Variants in OR4M1 observed in about 807,000 individuals in gnomAD.
OR4M1 encodes olfactory receptor family 4 subfamily M member 1, also known as olfactory receptor 4M1.
Under a neutral mutation model 9.8 loss-of-function variants are expected in OR4M1, and 7 were observed. The observed-to-expected ratio is 0.71, with a 90% confidence interval of 0.41 to 1.34. The LOEUF is 1.34. Among genes scored for constraint, OR4M1 ranks in the 40% most tolerant of loss-of-function variants. The pLI is 0.01. For missense variants in OR4M1, 331 were observed against 380.4 expected (o/e 0.87, Z 1.08); for synonymous variants, 121 against 139.8 (o/e 0.87, Z 0.95).
rs1878494985 is a variant in OR4M1, at chr14:19,781,397, T to C, written c.*133T>C. 2 of 874,014 alleles carry C rather than the reference T, an allele frequency of 2.3e-6. No homozygotes were observed. The highest frequency in any genetic ancestry group is 1.7e-5 in the African/African-American group (1 of 58,272). The allele number at this position is 874,014 out of a possible 1,614,324, so 54.1% of individuals were successfully genotyped here. ...AAATTTTACTATAATTTTTCTCTAT[T>C]AATTCCTCTTTATATTGAAAAAATA... On this transcript the variant is annotated 3_prime_UTR_variant, in exon 2 of 2. Transcript: ENST00000641200.
intron 1 of OR4M1, among the ~76,000 whole-genome samples, 188 bp downstream of exon 1, chr14:19,773,781 GT>G (rs1594374908): frequency 6.6e-6 from 1 of 151,914 alleles, no homozygotes; most frequent in East Asian, 1.9e-4. Context: ...TGTAGAGTGG[GT>G]GGACAAATTG....
intron 1 of OR4M1, 174 bp from the exon 2 acceptor site, chr14:19,780,120 T>C (rs1423331971): frequency 1.2e-5 from 7 of 604,434 alleles, no homozygotes; most frequent in African/African-American, 5.7e-5. Context: ...TGTTCCCAAT[T>C]TATAAGTTCA....
chr14:19,780,532 T>C lies in OR4M1; in HGVS notation c.210T>C (p.Asp70=). The change falls in exon 2 of 2, where the codon GAT becomes GAC. Residue 70 remains aspartate (D), a synonymous_variant. Transcript: ENST00000641200. ...TGTTGGCTAATCTGGCCCTCCTTGA[T>C]ATTTGGTACTCTTCCATTACAGCCC... ...YFLLANLALL[D]IWYSSITAPK... The C allele has an allele frequency of 6.2e-7, 1 of 1,614,228 alleles. No homozygotes were observed. Among genetic ancestry groups the C allele is most frequent in the Non-Finnish European group, 8.5e-7 (1 of 1,180,030 alleles).
chr14:19,774,137 T>C (rs1878244067), intron 1 of OR4M1, among the ~76,000 whole-genome samples: 1 of 152,296 alleles, frequency 6.6e-6, no homozygotes, highest in African/African-American at 2.4e-5. Context: ...GTAAAAGCTT[T>C]GAAAATAAAT....
At chr14:19,774,907 A>G (rs1878264884) in intron 1 of OR4M1, among the ~76,000 whole-genome samples, 1 of 152,038 alleles carries the variant, frequency 6.6e-6, no homozygotes, top group Non-Finnish European at 1.5e-5. Context: ...GAAATAAAAT[A>G]AAAATGAAAC....
chr14:19,778,423 T>C (rs28523769), intron 1 of OR4M1, among the ~76,000 whole-genome samples: 35,343 of 150,122 alleles, frequency 0.24, 3,996 homozygotes, highest in African/African-American at 0.44. Context: ...GATCTTGTAA[T>C]GGTATTTACC....
intron 1 of OR4M1, among the ~76,000 whole-genome samples, chr14:19,777,742 GT>G (rs1054949364): frequency 6.6e-6 from 1 of 152,206 alleles, no homozygotes; most frequent in African/African-American, 2.4e-5. Context: ...AGATAGCTTT[GT>G]TTTGACATGC....
At chr14:19,774,236 A>G (rs1006512416) in intron 1 of OR4M1, among the ~76,000 whole-genome samples, 1 of 152,274 alleles carries the variant, frequency 6.6e-6, no homozygotes, top group Non-Finnish European at 1.5e-5. Flanking sequence ...AAGGATTCCA[A>G]AAAGCAAAAT....
In OR4M1 at chr14:19,780,457, C is replaced by T. The variant is rs776142493; in HGVS notation, c.135C>T (p.Ile45=). Reference sequence around the variant, plus strand: ...TCATCCTACCAGGAAATATCCTTATCATTTGCACCATCAGGCTAGACCCTC... The same window carrying T: ...TCATCCTACCAGGAAATATCCTTATTATTTGCACCATCAGGCTAGACCCTC... ...YLFILPGNIL[I]ICTIRLDPHL... Residue 45 remains isoleucine, a synonymous_variant, in exon 2 of 2, where the codon ATC becomes ATT. Transcript: ENST00000641200. The T allele has an allele frequency of 1.4e-5, 23 of 1,614,174 alleles. 1 individual carries two copies. In the African/African-American group the frequency reaches 2.9e-4, roughly 21 times the overall value.
intron 1 of OR4M1, among the ~76,000 whole-genome samples, chr14:19,774,306 T>G (rs1878248431): frequency 6.6e-6 from 1 of 152,008 alleles, no homozygotes; most frequent in Non-Finnish European, 1.5e-5. Context: ...AATTAGATGT[T>G]GTGGTGTTTA....
In OR4M1 at chr14:19,780,688, C is replaced by T. The variant is rs369916940; in HGVS notation, c.366C>T (p.Arg122=). 13 of 1,614,112 alleles carry T rather than the reference C, an allele frequency of 8.1e-6. No homozygotes were observed. In the African/African-American group the frequency reaches 1.6e-4, roughly 20 times the overall value. The change falls in exon 2 of 2, where the codon CGC becomes CGT. Residue 122 remains arginine, a synonymous_variant. Transcript: ENST00000641200. The part of the protein sequence containing the change: ...MFLLTVMAYD[R]YAAICRPLHY... ...TGCTCACAGTGATGGCCTATGACCGCTATGCTGCTATCTGCCGACCCCTCC... is the reference window on the plus strand; with the variant it reads ...TGCTCACAGTGATGGCCTATGACCGTTATGCTGCTATCTGCCGACCCCTCC...
intron 1 of OR4M1, among the ~76,000 whole-genome samples, chr14:19,775,039 G>A (rs575428917): frequency 3.9e-5 from 6 of 152,296 alleles, no homozygotes; most frequent in Non-Finnish European, 7.4e-5. Flanking sequence ...TTACATCCCC[G>A]CCCTCGCTTA....
rs942323771 is a variant in OR4M1, at chr14:19,783,035, C to T, written c.*1771C>T. The T allele has an allele frequency of 3.9e-5, 6 of 152,200 alleles. No homozygotes were observed. Among genetic ancestry groups the T allele is most frequent in the Non-Finnish European group, 5.9e-5 (4 of 68,060 alleles). 9.4% of individuals were successfully genotyped at this position (152,200 alleles called of 1,614,324 possible). A position where few individuals can be genotyped will look rare whatever the true frequency, so the allele number is the denominator to read the frequency against. The stretch of plus-strand genomic sequence containing the variant: ...ACTGATTTGATATGCTCTTCAAACA[C>T]CAGCACACTGTACTACAGAAGGATA... On this transcript the variant is annotated 3_prime_UTR_variant, in exon 2 of 2. Transcript: ENST00000641200.
chr14:19,776,057 C>T (rs1393827495), intron 1 of OR4M1, among the ~76,000 whole-genome samples: 5 of 152,258 alleles, frequency 3.3e-5, no homozygotes, highest in African/African-American at 1.2e-4. Flanking sequence ...TCTGTATACT[C>T]CTTCCTCACC....
chr14:19,774,202 G>A (rs993558403), intron 1 of OR4M1, among the ~76,000 whole-genome samples: 2 of 152,222 alleles, frequency 1.3e-5, no homozygotes, highest in Non-Finnish European at 2.9e-5. Flanking sequence ...AAATAAATGT[G>A]GGTGAAATAT....
intron 1 of OR4M1, among the ~76,000 whole-genome samples, chr14:19,779,400 C>T (rs1471253779): frequency 2.6e-5 from 4 of 152,222 alleles, no homozygotes; most frequent in Admixed American, 2.0e-4. Context: ...TAAAGAAAAG[C>T]ATATTTGGTA....
At chr14:19,779,909 G>T (rs924151127) in intron 1 of OR4M1, among the ~76,000 whole-genome samples, 1 of 152,338 alleles carries the variant, frequency 6.6e-6, no homozygotes, top group African/African-American at 2.4e-5. Flanking sequence ...CAAAAAATAA[G>T]ATCTAGAAAA....
intron 1 of OR4M1, among the ~76,000 whole-genome samples, chr14:19,776,378 T>C (rs2246507): frequency 0.28 from 41,189 of 148,550 alleles, 3,880 homozygotes; most frequent in Non-Finnish European, 0.33. Flanking sequence ...TTGAGGAGAT[T>C]TCACAGTTCA....
chr14:19,779,841 T>C (rs920022809), intron 1 of OR4M1, among the ~76,000 whole-genome samples: 1 of 152,244 alleles, frequency 6.6e-6, no homozygotes, highest in Admixed American at 6.5e-5. Context: ...TACTGCTAGA[T>C]CTGTATGTGT....
Sources: gnomAD v4.1 joint callset for allele counts (sites outside exome capture counted in the v4.1 genomes callset) on GRCh38, gnomAD v4.1.1 for gene constraint, MANE v1.5 for transcripts, NCBI Gene and HGNC (gene_info 2026-07-23, HGNC 2026-07-21) for gene names.